The following ACSL4 variants were observed in gnomAD, a reference collection of about 807,000 sequenced individuals.
The protein encoded by ACSL4 is acyl-CoA synthetase long chain family member 4, also known as long-chain-fatty-acid--CoA ligase 4.
ACSL4 carries 9 observed loss-of-function variants against 49.1 expected under a neutral mutation model. The observed-to-expected ratio is 0.18, with a 90% CI of 0.11 to 0.32. ACSL4 has a LOEUF of 0.32. Among genes scored for constraint, ACSL4 ranks in the 10% least tolerant of loss-of-function variants. The pLI is 1.00. For synonymous variants in ACSL4, 191 were observed against 170.3 expected (o/e 1.12, Z -0.95); for missense variants, 333 against 493.7 (o/e 0.67, Z 3.08).
chrX:109,707,003 G>T (rs1378684307), intron 1 of ACSL4, among the ~76,000 whole-genome samples: 3 of 111,897 alleles, frequency 2.7e-5, no homozygotes, highest in Non-Finnish European at 5.6e-5. Context: ...AATGCCTAAC[G>T]TAATGAGCAG....
At chrX:109,677,858 T>C in intron 8 of ACSL4, 130 bp downstream of exon 8, 1 of 861,822 alleles carries the variant, frequency 1.2e-6, no homozygotes, top group Non-Finnish European at 1.7e-6. Flanking sequence ...TACATATTGT[T>C]CATGGAAGCT....
chrX:109,645,419 C>T (rs1934633024), intron 15 of ACSL4, among the ~76,000 whole-genome samples: 1 of 112,150 alleles, frequency 8.9e-6, no homozygotes, highest in African/African-American at 3.2e-5. Flanking sequence ...CAGACTGACA[C>T]CTCACACGGC....
rs1395144255 is a variant in ACSL4, at chrX:109,733,130, G to A, written c.-66+9C>T. 1 of 327,829 alleles carries A rather than the reference G, an allele frequency of 3.1e-6. No homozygotes were observed. The highest frequency in any genetic ancestry group is 3.1e-5 in the Admixed American group (1 of 31,930). The allele number at this position is 327,829 out of a possible 1,213,427, so 27.0% of individuals were successfully genotyped here. A position where few individuals can be genotyped will look rare whatever the true frequency, so the allele number is the denominator to read the frequency against. The stretch of plus-strand genomic sequence containing the variant: ...CGGGGCCGCAACCTCCCCATCCAGG[G>A]ATACTCACCGGAGGGGCGGCCCACC... On this transcript the variant is annotated intron_variant, in intron 1 of 15. Transcript: ENST00000672401.
intron 1 of ACSL4, among the ~76,000 whole-genome samples, chrX:109,702,193 C>T (rs1025761741): frequency 1.2e-4 from 13 of 110,648 alleles, no homozygotes; most frequent in South Asian, 3.9e-4. Flanking sequence ...CCAGCCTGGG[C>T]GACAATGGCA....
At chrX:109,672,386 T>C (rs1406201359) in intron 9 of ACSL4, among the ~76,000 whole-genome samples, 2 of 111,324 alleles carry the variant, frequency 1.8e-5, no homozygotes, top group African/African-American at 6.5e-5. Flanking sequence ...ATCATAGACA[T>C]CAGCAAGGCC....
intron 2 of ACSL4, among the ~76,000 whole-genome samples, chrX:109,688,634 T>C (rs1299843080): frequency 9.0e-6 from 1 of 111,278 alleles, no homozygotes; most frequent in African/African-American, 3.3e-5. Context: ...GTTCTCCTCA[T>C]CAGGGTCTCC....
rs779701752 is a variant in ACSL4 at position 109,679,353 on chromosome X, C to CAT, written c.656-940_656-939dup. Reference sequence around the variant, plus strand: ...ATATACCAAAATGGCTAAGAAGCCACATATATATCATCAGAATGAAATACA... The same window carrying CAT: ...ATATACCAAAATGGCTAAGAAGCCACATATATATATCATCAGAATGAAATACA... On this transcript the variant is annotated intron_variant, in intron 6 of 15. Coordinates refer to ENST00000672401, the MANE Select transcript of ACSL4 (RefSeq NM_001318510.2). Among the ~76,000 whole-genome samples the CAT allele has an allele frequency of 1.2e-4, 14 of 112,191 alleles. 3 individuals are homozygous for CAT. The highest frequency in any genetic ancestry group is 1.1e-3 in the South Asian group (3 of 2,688).
At chrX:109,696,572 C>G (rs1207685566) in intron 1 of ACSL4, among the ~76,000 whole-genome samples, 1 of 112,605 alleles carries the variant, frequency 8.9e-6, no homozygotes, top group Admixed American at 9.4e-5. Flanking sequence ...CATCCCCACA[C>G]ACAGATGACT....
At chrX:109,655,026 T>C (rs1921507371) in intron 15 of ACSL4, among the ~76,000 whole-genome samples, 1 of 111,298 alleles carries the variant, frequency 9.0e-6, no homozygotes, top group Non-Finnish European at 1.9e-5. Context: ...AGGCTAATAT[T>C]GCCCGGGCAA....
chrX:109,715,157 T>A (rs145228461), intron 1 of ACSL4, among the ~76,000 whole-genome samples: 1 of 112,106 alleles, frequency 8.9e-6, no homozygotes, highest in South Asian at 3.6e-4. Context: ...AATAAACATG[T>A]ATAATAATTT....
intron 9 of ACSL4, among the ~76,000 whole-genome samples, chrX:109,671,089 G>A (rs1161827728): frequency 2.8e-5 from 3 of 106,651 alleles, no homozygotes; most frequent in Non-Finnish European, 3.9e-5. Context: ...GCCGCCCATC[G>A]TCTGGGATGT....
rs751283576 is a variant in ACSL4 at position 109,725,003 on chromosome X, T to A, written c.-66+8136A>T. Reference sequence around the variant, plus strand: ...AACTCCTGGCCTCAAGAGATCTGCCTGCCTTGGCCTTCCAAAGTGCTGGGA... The same window carrying A: ...AACTCCTGGCCTCAAGAGATCTGCCAGCCTTGGCCTTCCAAAGTGCTGGGA... On this transcript the variant is annotated intron_variant, in intron 1 of 15. Coordinates refer to ENST00000672401, the MANE Select transcript of ACSL4 (RefSeq NM_001318510.2). 1.2e-4 allele frequency among the ~76,000 whole-genome samples: 13 copies of A among 110,480 alleles called. 3 individuals are homozygous for A. Among genetic ancestry groups the A allele is most frequent in the South Asian group, 1.2e-3 (3 of 2,583 alleles).
chrX:109,704,281 TTC>T (rs2147502175), intron 1 of ACSL4, among the ~76,000 whole-genome samples: 1 of 112,076 alleles, frequency 8.9e-6, no homozygotes, highest in South Asian at 3.7e-4. Context: ...ATTTTTATTT[TTC>T]TTACTTAAAT....
chrX:109,652,768 A>G (rs1198350085), intron 15 of ACSL4, among the ~76,000 whole-genome samples: 1 of 111,488 alleles, frequency 9.0e-6, no homozygotes, highest in African/African-American at 3.2e-5. Context: ...TGTTATATCA[A>G]TAATATTGTA....
At chrX:109,648,400 A>C (rs1379158010) in intron 15 of ACSL4, among the ~76,000 whole-genome samples, 1 of 112,102 alleles carries the variant, frequency 8.9e-6, no homozygotes, top group Non-Finnish European at 1.9e-5. Context: ...AATCCAGTAT[A>C]TAAACAGAAC....
intron 1 of ACSL4, among the ~76,000 whole-genome samples, chrX:109,702,261 T>C (rs1295659379): frequency 8.9e-6 from 1 of 111,766 alleles, no homozygotes; most frequent in African/African-American, 3.3e-5. Context: ...CTCTCTTACA[T>C]GTCTTTCCAT....
intron 2 of ACSL4, among the ~76,000 whole-genome samples, chrX:109,691,283 A>G (rs905213351): frequency 8.9e-6 from 1 of 112,325 alleles, no homozygotes; most frequent in Non-Finnish European, 1.9e-5. Context: ...CACATTATTT[A>G]AGAGTAATTT....
chrX:109,698,004 A>G (rs1024344504), intron 1 of ACSL4, among the ~76,000 whole-genome samples: 1 of 111,369 alleles, frequency 9.0e-6, no homozygotes, highest in Non-Finnish European at 1.9e-5. Context: ...TTTGCAAAGG[A>G]TAGTCAACTC....
chrX:109,710,718 T>A (rs903712412), intron 1 of ACSL4, among the ~76,000 whole-genome samples: 2 of 112,053 alleles, frequency 1.8e-5, no homozygotes, highest in South Asian at 7.4e-4. Context: ...ATTTTTAATT[T>A]TTTTTGTTGA....
Sources: allele counts gnomAD v4.1 joint callset (sites outside exome capture counted in the v4.1 genomes callset), GRCh38; gene constraint gnomAD v4.1.1; transcripts MANE v1.5; gene names NCBI Gene and HGNC (gene_info 2026-07-23, HGNC 2026-07-21).